The following MCM4 variants were observed in gnomAD, a reference collection of about 807,000 sequenced individuals.
MCM4 encodes DNA replication licensing factor MCM4.
Under a neutral mutation model 88.7 loss-of-function variants are expected in MCM4, and 60 were observed. The ratio of observed to expected loss-of-function variants is 0.68; its 90% confidence interval spans 0.55 to 0.84. MCM4 has a LOEUF of 0.84. Among genes scored for constraint, MCM4 ranks in the 40% least tolerant of loss-of-function variants. The pLI is 0.00. For missense variants in MCM4, 1,149 were observed against 1,105.5 expected, an observed-to-expected ratio of 1.04 and a Z score of -0.56; for synonymous variants, 465 against 410.5, an observed-to-expected ratio of 1.13 and a Z score of -1.61.
intron 10 of MCM4, among the ~76,000 whole-genome samples, chr8:47,968,304 TC>T (rs1477786480): frequency 1.3e-5 from 2 of 152,176 alleles, no homozygotes; most frequent in South Asian, 2.1e-4. Context: ...CCCTGTTTCT[TC>T]CCCAGTGTGA....
At chr8:47,976,653 G>C in intron 16 of MCM4, 33 bp from the exon 17 acceptor site, 2 of 1,476,484 alleles carry the variant, frequency 1.4e-6, no homozygotes, top group Non-Finnish European at 1.9e-6. Flanking sequence ...GACTTGACGT[G>C]TACAATATTT....
intron 7 of MCM4, among the ~76,000 whole-genome samples, 187 bp downstream of exon 7, chr8:47,963,227 T>C (rs2090863763): frequency 6.6e-6 from 1 of 152,102 alleles, no homozygotes; most frequent in Non-Finnish European, 1.5e-5. Context: ...CCGAGGCAAA[T>C]GGATCACTTG....
intron 8 of MCM4, 108 bp from the exon 9 acceptor site, chr8:47,966,079 G>T (rs1248634688): frequency 4.9e-6 from 4 of 819,850 alleles, no homozygotes; most frequent in Non-Finnish European, 4.0e-6. Context: ...ACACAGAAAG[G>T]TCGCCCTAGG....
chr8:47,976,645 C>A, intron 16 of MCM4, 41 bp from the exon 17 acceptor site: 2 of 1,393,692 alleles, frequency 1.4e-6, no homozygotes, highest in Non-Finnish European at 2.0e-6. Context: ...AAAGGAGGGA[C>A]TTGACGTGTA....
intron 14 of MCM4, among the ~76,000 whole-genome samples, chr8:47,973,507 T>G (rs940123873): frequency 2.0e-5 from 3 of 151,854 alleles, no homozygotes; most frequent in African/African-American, 4.8e-5. Context: ...TTTTTTTTTT[T>G]TGTGAGACGG....
Position 47,961,552 on chromosome 8 carries a change from G to T in MCM4, c.107G>T (p.Arg36Ile), listed in dbSNP as rs1444477217. ...SEDARSSPSQRRRGEDSTSTG... is the reference protein window; with the variant it reads ...SEDARSSPSQIRRGEDSTSTG... The stretch of plus-strand genomic sequence containing the variant: ...GATGCCAGGTCATCTCCCTCTCAGA[G>T]ACGTAGAGGCGAGGATTCCACCTCC... Residue 36 changes from arginine (R) to isoleucine (I), a missense_variant, in exon 3 of 17, where the codon AGA becomes ATA. Physicochemically the swap from Arg to Ile is moderately conservative, Grantham distance 97. This residue lies in a region of MCM4 where 906 missense variants were observed against 843.0 expected (regional missense o/e 1.07). Transcript: ENST00000649973. The T allele has an allele frequency of 5.6e-6, 9 of 1,614,028 alleles. No individual in the cohort carries two copies. Among genetic ancestry groups the T allele is most frequent in the Non-Finnish European group, 6.8e-6 (8 of 1,180,038 alleles).
chr8:47,966,377 C>A lies in MCM4; in HGVS notation c.1023C>A (p.His341Gln). 6.2e-7 allele frequency: 1 copy of A among 1,612,898 alleles called. No homozygotes were observed. The highest frequency in any genetic ancestry group is 8.5e-7 in the Non-Finnish European group (1 of 1,179,234). ...CHTTHSMALI[H>Q]NRSLFSDKQM... ...CCACCCACAGCATGGCACTCATCCA[C>A]AACCGCTCCCTCTTCTCTGACAAGC... Residue 341 changes from histidine (H) to glutamine (Q), a missense_variant, in exon 9 of 17, where the codon CAC (histidine) becomes CAA (glutamine). His to Gln is a conservative substitution (Grantham distance 24). Around this residue, in one of 3 missense-constraint regions of MCM4, gnomAD observed 906 missense variants for 843.0 expected, o/e 1.07. Coordinates refer to ENST00000649973, the MANE Select transcript of MCM4 (RefSeq NM_182746.3).
At chr8:47,972,814 C>T (rs1002881525) in intron 13 of MCM4, 43 bp from the exon 14 acceptor site, 6 of 1,561,192 alleles carry the variant, frequency 3.8e-6, no homozygotes, top group African/African-American at 1.4e-5. Context: ...GCCTCGGCCT[C>T]ACAAGGTGCT....
intron 7 of MCM4, among the ~76,000 whole-genome samples, chr8:47,963,785 G>A (rs1406719178): frequency 6.6e-6 from 1 of 152,196 alleles, no homozygotes; most frequent in African/African-American, 2.4e-5. Context: ...AGTCTTTGGA[G>A]GCAAGCAGAC....
At chr8:47,975,223 C>CA (rs1339819846) in intron 15 of MCM4, 3 of 353,798 alleles carry the variant, frequency 8.5e-6, no homozygotes, top group Non-Finnish European at 1.6e-5. Flanking sequence ...TACATGTGCA[C>CA]AACGTGCAGT....
chr8:47,970,472 G>A, intron 11 of MCM4, 39 bp from the exon 12 acceptor site: 1 of 1,556,606 alleles, frequency 6.4e-7, no homozygotes, highest in Non-Finnish European at 8.7e-7. Flanking sequence ...AGTTAACTGT[G>A]CAGAAAATGA....
chr8:47,966,131 T>A, intron 8 of MCM4, 56 bp from the exon 9 acceptor site: 1 of 1,441,166 alleles, frequency 6.9e-7, no homozygotes, highest in South Asian at 1.2e-5. Context: ...ATCCCAGCTA[T>A]TCCTGGACCT....
At chr8:47,969,674 C>G (rs1442856049) in intron 10 of MCM4, 124 bp from the exon 11 acceptor site, 3 of 917,478 alleles carry the variant, frequency 3.3e-6, no homozygotes, top group East Asian at 5.1e-5. Flanking sequence ...TGGAGCTCAC[C>G]CTTTCCAGGG....
At chr8:47,970,362 T>C in intron 11 of MCM4, 149 bp from the exon 12 acceptor site, 1 of 973,160 alleles carries the variant, frequency 1.0e-6, no homozygotes, top group Non-Finnish European at 1.5e-6. Flanking sequence ...ACTTAAAGCA[T>C]ATCAAGCACT....
chr8:47,975,633 T>A (rs2090994526), intron 15 of MCM4, 82 bp from the exon 16 acceptor site: 1 of 1,063,908 alleles, frequency 9.4e-7, no homozygotes, highest in Non-Finnish European at 1.3e-6. Flanking sequence ...TAGGTGATAC[T>A]ACTAAAGGAA....
At position 47,961,900 on chromosome 8, in the gene MCM4, A is replaced by C. The variant is rs1187087261; in HGVS notation, c.236-153A>C. 5 of 908,118 alleles carry C rather than the reference A, an allele frequency of 5.5e-6. No individual in the cohort carries two copies. The South Asian group carries it at 8.7e-5, about 16-fold the overall frequency. 56.3% of individuals were successfully genotyped at this position (908,118 alleles called of 1,614,324 possible). On this transcript the variant is annotated intron_variant, in intron 3 of 16. Transcript: ENST00000649973. ...GCAGCTTCTCTGGTGCTTTTTTTTA[A>C]TAGAACATTTAAGAGTGCTCAGAAT... is the stretch of plus-strand genomic sequence containing the variant.
chr8:47,973,725 T>G (rs915807171), intron 14 of MCM4: 1 of 152,294 alleles, frequency 6.6e-6, no homozygotes, highest in Non-Finnish European at 1.5e-5. Flanking sequence ...CCTGACCTCG[T>G]GATCCGCCTG....
At chr8:47,975,920 T>G in intron 16 of MCM4, 72 bp downstream of exon 16, 1 of 1,067,336 alleles carries the variant, frequency 9.4e-7, no homozygotes, top group Non-Finnish European at 1.3e-6. Flanking sequence ...TGGGTTTTTT[T>G]CCTTTATTTA....
At chr8:47,966,943 T>C (rs1039820375) in intron 9 of MCM4, among the ~76,000 whole-genome samples, 3 of 152,260 alleles carry the variant, frequency 2.0e-5, no homozygotes, top group Admixed American at 6.5e-5. Flanking sequence ...ATGGTTTCTT[T>C]AATGTTGCAT....
Sources: allele counts gnomAD v4.1 joint callset (sites outside exome capture counted in the v4.1 genomes callset), GRCh38; gene constraint gnomAD v4.1.1; regional missense constraint gnomAD v4.1.1; transcripts MANE v1.5; gene names NCBI Gene and HGNC (gene_info 2026-07-23, HGNC 2026-07-21).